Variants in COA1 observed in about 807,000 individuals in gnomAD.
The protein encoded by COA1 is cytochrome c oxidase assembly factor 1.
COA1 carries 13 observed loss-of-function variants against 16.0 expected under a neutral mutation model. The observed-to-expected ratio is 0.81, with a 90% CI of 0.53 to 1.29. The LOEUF (loss-of-function observed/expected upper bound fraction) is 1.29, where lower values mean the gene tolerates loss of function less well. Ranked by LOEUF, COA1 falls within the 50% of genes most tolerant of loss-of-function variation. The pLI is 0.00. For synonymous variants in COA1, 65 were observed against 65.7 expected (o/e 0.99, Z 0.05); for missense variants, 179 against 177.0 (o/e 1.01, Z -0.06).
intron 1 of COA1, among the ~76,000 whole-genome samples, chr7:43,716,011 C>T (rs2095385778): frequency 6.6e-6 from 1 of 152,168 alleles, no homozygotes; most frequent in Non-Finnish European, 1.5e-5. Flanking sequence ...TCCTCCTTGC[C>T]TTCTGCCATG....
intron 1 of COA1, among the ~76,000 whole-genome samples, chr7:43,688,509 A>T (rs2094136628): frequency 1.3e-5 from 2 of 152,198 alleles, no homozygotes; most frequent in Non-Finnish European, 2.9e-5. Flanking sequence ...CCAGGATTAA[A>T]AACCTCTTTA....
intron 1 of COA1, among the ~76,000 whole-genome samples, chr7:43,669,875 A>C (rs1008357305): frequency 6.6e-6 from 1 of 152,092 alleles, no homozygotes; most frequent in African/African-American, 2.4e-5. Flanking sequence ...TCCCTGACGG[A>C]AACAGATGAG....
downstream of COA1, among the ~76,000 whole-genome samples, chr7:43,634,761 C>A (rs1414706957): frequency 1.3e-5 from 2 of 152,184 alleles, no homozygotes; most frequent in Non-Finnish European, 2.9e-5. Flanking sequence ...TCTTAGAGTT[C>A]TCCATCTTTC....
intron 1 of COA1, among the ~76,000 whole-genome samples, chr7:43,661,564 G>A (rs1055538894): frequency 6.6e-6 from 1 of 152,096 alleles, no homozygotes; most frequent in African/African-American, 2.4e-5. Context: ...GAACCCGGGA[G>A]GCGGAGCTTG....
chr7:43,627,331 A>G (rs527810050), intron 6 of COA1, among the ~76,000 whole-genome samples: 1 of 152,378 alleles, frequency 6.6e-6, no homozygotes, highest in African/African-American at 2.4e-5. Context: ...AAATTTTTCC[A>G]GCTAACCTCA....
In COA1 at chr7:43,628,983, T is replaced by C. The variant is rs554890304; in HGVS notation, c.*133+10466A>G. Among the ~76,000 whole-genome samples, 7 of 152,322 alleles carry C rather than the reference T, an allele frequency of 4.6e-5. No individual in the cohort carries two copies. The South Asian group carries it at 1.2e-3, about 27-fold the overall frequency. ...CTTATTTTTCTTAGGAGTATGATAG[T>C]TGTAGCGAATATTCAGGTCTGTGAT... On this transcript the variant is annotated intron_variant and NMD_transcript_variant, in intron 6 of 6. Transcript: ENST00000415076.
chr7:43,708,277 T>C (rs2095076765), intron 1 of COA1, among the ~76,000 whole-genome samples: 2 of 152,114 alleles, frequency 1.3e-5, no homozygotes, highest in South Asian at 2.1e-4. Flanking sequence ...CTGGGCAACA[T>C]AGTGAGAACT....
intron 1 of COA1, among the ~76,000 whole-genome samples, chr7:43,718,102 T>C (rs533713980): frequency 5.3e-5 from 8 of 152,380 alleles, no homozygotes; most frequent in African/African-American, 1.9e-4. Context: ...TAATATATTG[T>C]ACTGCCAACT....
At chr7:43,699,716 A>G (rs948251355) in intron 1 of COA1, among the ~76,000 whole-genome samples, 6 of 152,350 alleles carry the variant, frequency 3.9e-5, no homozygotes, top group Non-Finnish European at 5.9e-5. Flanking sequence ...ATACCTAATT[A>G]GCATATCATC....
Position 43,729,475 on chromosome 7 carries a change from T to G in COA1, c.-85A>C, listed in dbSNP as rs1031244604. On this transcript the variant is annotated 5_prime_UTR_variant, in exon 1 of 6. Transcript: ENST00000223336. The stretch of plus-strand genomic sequence containing the variant: ...CGCTACAAAGAGCATGACGAGTTCT[T>G]CCAGGCTTGGGAAAGCACGGGTAAA... 1 of 152,294 alleles carries G rather than the reference T, an allele frequency of 6.6e-6. No homozygotes were observed. Among genetic ancestry groups the G allele is most frequent in the African/African-American group, 2.4e-5 (1 of 41,448 alleles). The allele number at this position is 152,294 out of a possible 1,614,324, so 9.4% of individuals were successfully genotyped here. A position where few individuals can be genotyped will look rare whatever the true frequency, so the allele number is the denominator to read the frequency against.
intron 6 of COA1, among the ~76,000 whole-genome samples, chr7:43,618,533 A>C (rs1475678064): frequency 6.6e-6 from 1 of 152,198 alleles, no homozygotes; most frequent in South Asian, 2.1e-4. Flanking sequence ...GTAATTTACC[A>C]GTGTTTCTCA....
At chr7:43,670,434 C>T (rs2093185592) in intron 1 of COA1, among the ~76,000 whole-genome samples, 1 of 152,032 alleles carries the variant, frequency 6.6e-6, no homozygotes, top group South Asian at 2.1e-4. Flanking sequence ...GCCTGAGCAA[C>T]AGGGTGAGAC....
At chr7:43,694,192 T>A (rs2094459694) in intron 1 of COA1, among the ~76,000 whole-genome samples, 1 of 147,652 alleles carries the variant, frequency 6.8e-6, no homozygotes, top group Admixed American at 6.9e-5. Context: ...ATCTCATGAA[T>A]CATCAATTTC....
intron 6 of COA1, among the ~76,000 whole-genome samples, chr7:43,612,958 A>G (rs765194352): frequency 1.3e-5 from 2 of 152,212 alleles, no homozygotes; most frequent in Non-Finnish European, 2.9e-5. Flanking sequence ...AATCTGAGAA[A>G]CAACAACCCT....
chr7:43,646,806 T>C (rs1470065612), intron 3 of COA1: 1 of 296,790 alleles, frequency 3.4e-6, no homozygotes, highest in Non-Finnish European at 7.0e-6. Flanking sequence ...GGAGCCTGTC[T>C]GCTTGTCTGC....
At chr7:43,691,385 A>AAGGG (rs2094332490) in intron 1 of COA1, among the ~76,000 whole-genome samples, 1 of 95,894 alleles carries the variant, frequency 1.0e-5, no homozygotes, top group Non-Finnish European at 2.2e-5. Context: ...GGGAGGAAGG[A>AAGGG]AGGAAGGAAG....
At chr7:43,661,734 T>A (rs2092454780) in intron 1 of COA1, among the ~76,000 whole-genome samples, 1 of 152,034 alleles carries the variant, frequency 6.6e-6, no homozygotes, top group Non-Finnish European at 1.5e-5. Flanking sequence ...TGGAGTGTGG[T>A]CCTTGTACCT....
At chr7:43,728,855 T>TA (rs1198139306) in intron 1 of COA1, among the ~76,000 whole-genome samples, 1 of 152,184 alleles carries the variant, frequency 6.6e-6, no homozygotes, top group Non-Finnish European at 1.5e-5. Context: ...TAGATTTTTT[T>TA]AAATTACACA....
chr7:43,615,160 G>C (rs547886665), intron 6 of COA1, among the ~76,000 whole-genome samples: 11 of 152,170 alleles, frequency 7.2e-5, no homozygotes, highest in Non-Finnish European at 1.5e-4. Context: ...GGTTACTATA[G>C]TTTTTGTTTT....
Sources: allele counts gnomAD v4.1 joint callset (sites outside exome capture counted in the v4.1 genomes callset), GRCh38; gene constraint gnomAD v4.1.1; transcripts MANE v1.5; gene names NCBI Gene and HGNC (gene_info 2026-07-23, HGNC 2026-07-21).